CLASP2: variants seen among roughly 807,000 people sequenced by gnomAD.
CLASP2 encodes CLIP-associating protein 2.
CLASP2 carries 47 observed loss-of-function variants against 194.4 expected under a neutral mutation model. That is an observed-to-expected ratio of 0.24 (90% CI 0.19 to 0.31). The LOEUF is 0.31. CLASP2 is among the 10% of genes least tolerant of loss of function. The pLI is 1.00. For missense variants in CLASP2, 1,445 were observed against 1,823.6 expected, an observed-to-expected ratio of 0.79 and a Z score of 3.78; for synonymous variants, 619 against 633.5, an observed-to-expected ratio of 0.98 and a Z score of 0.34.
chr3:33,603,691 C>T (rs543451048), intron 17 of CLASP2, among the ~76,000 whole-genome samples: 10 of 152,154 alleles, frequency 6.6e-5, no homozygotes, highest in Non-Finnish European at 1.3e-4. Flanking sequence ...GGCGCGATCT[C>T]GACTCACTGC....
chr3:33,643,064 T>C (rs2081605210), intron 8 of CLASP2, among the ~76,000 whole-genome samples: 2 of 151,886 alleles, frequency 1.3e-5, no homozygotes, highest in Non-Finnish European at 2.9e-5. Context: ...GAATAGAAAC[T>C]ACAAGAATGG....
intron 29 of CLASP2, chr3:33,558,925 A>G (rs1293620864): frequency 8.1e-6 from 2 of 247,706 alleles, no homozygotes; most frequent in Non-Finnish European, 1.6e-5. Context: ...TTAGATGGCA[A>G]TAATGTGATG....
chr3:33,588,967 G>A (rs1434107081), intron 21 of CLASP2, among the ~76,000 whole-genome samples: 1 of 152,112 alleles, frequency 6.6e-6, no homozygotes, highest in Non-Finnish European at 1.5e-5. Flanking sequence ...AGACACTCAT[G>A]TACAAAGCAG....
chr3:33,685,969 T>G (rs1444885895), intron 5 of CLASP2, among the ~76,000 whole-genome samples: 1 of 152,072 alleles, frequency 6.6e-6, no homozygotes, highest in Non-Finnish European at 1.5e-5. Flanking sequence ...GCCACTGAAC[T>G]TACACTTAAA....
chr3:33,525,862 C>A (rs1054424956), intron 34 of CLASP2, among the ~76,000 whole-genome samples: 1 of 152,222 alleles, frequency 6.6e-6, no homozygotes, highest in Non-Finnish European at 1.5e-5. Flanking sequence ...AGATAAGACC[C>A]ACTGGCTTGG....
chr3:33,589,621 A>G lies in CLASP2; in HGVS notation c.2068+2774T>C, dbSNP rs1434381561. 2.0e-5 allele frequency among the ~76,000 whole-genome samples: 3 copies of G among 152,158 alleles called. No individual in the cohort carries two copies. In the East Asian group the frequency reaches 5.8e-4, roughly 29 times the overall value. ...AAAACCCAAATGATTTTACAGAGGG[A>G]AAGTCTTCTAATCTTAAAGTCCTAT... On this transcript the variant is annotated intron_variant, in intron 21 of 38. Coordinates refer to ENST00000682230, the MANE Select transcript of CLASP2 (RefSeq NM_001365631.1).
chr3:33,697,057 G>C, intron 1 of CLASP2, 124 bp from the exon 2 acceptor site: 1 of 623,894 alleles, frequency 1.6e-6, no homozygotes, highest in South Asian at 2.2e-5. Flanking sequence ...TGAGATTTAA[G>C]TATTCAAGGG....
chr3:33,600,088 T>TTGTG lies in CLASP2; in HGVS notation c.1924+2860_1924+2863dup, dbSNP rs371922867. 6.6e-5 allele frequency among the ~76,000 whole-genome samples: 10 copies of TTGTG among 151,156 alleles called. No individual in the cohort carries two copies. In the East Asian group the frequency reaches 7.7e-4, roughly 12 times the overall value. On this transcript the variant is annotated intron_variant, in intron 18 of 38. Coordinates refer to ENST00000682230, the MANE Select transcript of CLASP2 (RefSeq NM_001365631.1). ...TGTTTTGCTCATATATATATTTTTT[T>TTGTG]TGTGTGTGTGTGTGTGTGGATTCCT... is the stretch of plus-strand genomic sequence containing the variant.
chr3:33,596,632 GAGA>G (rs1249056088), intron 19 of CLASP2, 76 bp downstream of exon 19: 2 of 945,620 alleles, frequency 2.1e-6, no homozygotes, highest in Non-Finnish European at 3.2e-6. Flanking sequence ...TAGAAATTAA[GAGA>G]AGAATGAACA....
intron 7 of CLASP2, among the ~76,000 whole-genome samples, chr3:33,650,937 C>A (rs1575268768): frequency 6.6e-6 from 1 of 152,160 alleles, no homozygotes; most frequent in African/African-American, 2.4e-5. Flanking sequence ...GCCTGAAAGT[C>A]AAAAAGCTCT....
intron 17 of CLASP2, among the ~76,000 whole-genome samples, 162 bp downstream of exon 17, chr3:33,603,992 T>C (rs1032910565): frequency 6.6e-6 from 1 of 152,212 alleles, no homozygotes; most frequent in Non-Finnish European, 1.5e-5. Context: ...TCGGGTTTTA[T>C]TATATATGTA....
chr3:33,556,692 C>T (rs570098718), intron 29 of CLASP2, among the ~76,000 whole-genome samples: 1 of 152,248 alleles, frequency 6.6e-6, no homozygotes, highest in East Asian at 1.9e-4. Flanking sequence ...CTACCTTGGC[C>T]TCCCAAAGTG....
intron 27 of CLASP2, among the ~76,000 whole-genome samples, chr3:33,563,581 A>G (rs2062146401): frequency 6.6e-6 from 1 of 152,202 alleles, no homozygotes; most frequent in South Asian, 2.1e-4. Flanking sequence ...TGCAAGCCAT[A>G]TGGTCTCTAT....
In CLASP2 at chr3:33,684,340, C is replaced by T. The variant is rs1405521997; in HGVS notation, c.644+19G>A. Reference sequence around the variant, plus strand: ...TAGTGGTGAAAAAAAAAAAAAGAACCAAATTTAGCAAGACTTACCTAGCAG... The same window carrying T: ...TAGTGGTGAAAAAAAAAAAAAGAACTAAATTTAGCAAGACTTACCTAGCAG... On this transcript the variant is annotated intron_variant, in intron 6 of 38. Coordinates refer to ENST00000682230, the MANE Select transcript of CLASP2 (RefSeq NM_001365631.1). 2 of 1,464,688 alleles carry T rather than the reference C, an allele frequency of 1.4e-6. No individual in the cohort carries two copies. The highest frequency in any genetic ancestry group is 1.8e-6 in the Non-Finnish European group (2 of 1,085,942). The allele number at this position is 1,464,688 out of a possible 1,614,324, so 90.7% of individuals were successfully genotyped here.
intron 6 of CLASP2, among the ~76,000 whole-genome samples, chr3:33,674,893 G>A (rs1176133872): frequency 6.6e-6 from 1 of 152,162 alleles, no homozygotes; most frequent in East Asian, 1.9e-4. Context: ...CCAGGAAGAA[G>A]TTGAATCTCT....
chr3:33,564,668 G>A (rs1381335990), intron 27 of CLASP2, among the ~76,000 whole-genome samples: 1 of 152,122 alleles, frequency 6.6e-6, no homozygotes, highest in Non-Finnish European at 1.5e-5. Context: ...ATGGTACACT[G>A]CAGCCTCAAA....
chr3:33,659,197 T>C, intron 7 of CLASP2: 1 of 1,368,668 alleles, frequency 7.3e-7, no homozygotes, highest in African/African-American at 1.5e-5. Flanking sequence ...CTGAAAACCC[T>C]CGTTTATTTA....
chr3:33,543,139 G>A (rs948066482), intron 32 of CLASP2, among the ~76,000 whole-genome samples: 12 of 152,260 alleles, frequency 7.9e-5, no homozygotes, highest in African/African-American at 2.6e-4. Flanking sequence ...TTGGGAGGCC[G>A]AGGCGGGCAG....
chr3:33,705,274 C>T (rs550966771), intron 1 of CLASP2, among the ~76,000 whole-genome samples: 2 of 152,210 alleles, frequency 1.3e-5, no homozygotes, highest in East Asian at 3.9e-4. Flanking sequence ...TATCATAGTT[C>T]AATGAAGCTA....
Sources: gnomAD v4.1 joint callset for allele counts (sites outside exome capture counted in the v4.1 genomes callset) on GRCh38, gnomAD v4.1.1 for gene constraint, MANE v1.5 for transcripts, NCBI Gene and HGNC (gene_info 2026-07-23, HGNC 2026-07-21) for gene names.